PREX2: variants seen among roughly 807,000 people sequenced by gnomAD.
PREX2 encodes the protein phosphatidylinositol-3,4,5-trisphosphate dependent Rac exchange factor 2.
Under a neutral mutation model 203.2 loss-of-function variants are expected in PREX2, and 107 were observed. The observed-to-expected ratio is 0.53, with a 90% CI of 0.45 to 0.62. The LOEUF (loss-of-function observed/expected upper bound fraction) is 0.62. PREX2 is among the 20% of genes least tolerant of loss of function. The probability of loss-of-function intolerance (pLI) is 0.00; values close to 1 mark genes in which losing one functional copy is unlikely to be tolerated. For synonymous variants in PREX2, 672 were observed against 663.6 expected (o/e 1.01, Z -0.19); for missense variants, 1,777 against 1,955.9 (o/e 0.91, Z 1.72).
rs1412894490 is a variant in PREX2 at position 68,083,282 on chromosome 8, G to C, written c.1921G>C (p.Gly641Arg). 1 of 1,608,468 alleles carries C rather than the reference G, an allele frequency of 6.2e-7. No individual in the cohort carries two copies. The highest frequency in any genetic ancestry group is 1.3e-5 in the African/African-American group (1 of 74,838). ...CGGGAAAAAGATTTTTGCTATTAAT[G>C]GTGACCTAGTTTTTATGAGACCTTT... ...EVGKKIFAIN[G>R]DLVFMRPFNE... Residue 641 changes from glycine (G) to arginine (R), a missense_variant, in exon 18 of 40, where the codon GGT becomes CGT. Coordinates refer to ENST00000288368, the MANE Select transcript of PREX2 (RefSeq NM_024870.4).
At chr8:68,164,550 GA>G (rs1258826455) in intron 35 of PREX2, among the ~76,000 whole-genome samples, 2 of 150,398 alleles carry the variant, frequency 1.3e-5, no homozygotes, top group African/African-American at 4.9e-5. Context: ...AACAGCTGGT[GA>G]TCTGGCTTTT....
intron 35 of PREX2, among the ~76,000 whole-genome samples, chr8:68,187,666 A>G (rs779969431): frequency 2.0e-5 from 3 of 152,238 alleles, no homozygotes; most frequent in Non-Finnish European, 4.4e-5. Context: ...AGTTTACTTG[A>G]GAAAAGGCAT....
intron 1 of PREX2, among the ~76,000 whole-genome samples, chr8:67,970,225 A>G (rs759353409): frequency 6.6e-6 from 1 of 152,182 alleles, no homozygotes; most frequent in African/African-American, 2.4e-5. Context: ...ATCGAAATCT[A>G]TTCCTTGGAG....
intron 21 of PREX2, among the ~76,000 whole-genome samples, chr8:68,096,664 C>T (rs975104860): frequency 6.6e-5 from 10 of 151,910 alleles, no homozygotes; most frequent in Non-Finnish European, 1.3e-4. Context: ...ATACAACATT[C>T]GAGGCAGTTT....
chr8:68,192,891 C>T (rs1422739927), intron 37 of PREX2, among the ~76,000 whole-genome samples: 2 of 152,202 alleles, frequency 1.3e-5, no homozygotes, highest in African/African-American at 4.8e-5. Context: ...ATAGACATTC[C>T]ACTATTCAGT....
chr8:68,105,020 T>G, intron 23 of PREX2: 1 of 697,558 alleles, frequency 1.4e-6, no homozygotes, highest in African/African-American at 1.9e-5. Flanking sequence ...AGTTCAGTGT[T>G]TCCTTTGATG....
At chr8:68,036,524 C>T (rs1471362457) in intron 6 of PREX2, among the ~76,000 whole-genome samples, 1 of 152,096 alleles carries the variant, frequency 6.6e-6, no homozygotes, top group Non-Finnish European at 1.5e-5. Flanking sequence ...CTATTCTGTA[C>T]ATTTTGTGAA....
chr8:68,052,669 C>G (rs988334945), intron 8 of PREX2, among the ~76,000 whole-genome samples: 26 of 152,234 alleles, frequency 1.7e-4, no homozygotes, highest in African/African-American at 6.3e-4. Context: ...AAGATTTTTC[C>G]ATGGGGCATA....
At chr8:68,072,147 C>T (rs910487287) in intron 13 of PREX2, among the ~76,000 whole-genome samples, 5 of 152,074 alleles carry the variant, frequency 3.3e-5, no homozygotes, top group African/African-American at 1.2e-4. Context: ...CTTAAAGTCG[C>T]AGTTTCCAAG....
chr8:68,046,187 A>G (rs1435096806), intron 8 of PREX2, among the ~76,000 whole-genome samples: 7 of 152,006 alleles, frequency 4.6e-5, no homozygotes, highest in African/African-American at 1.7e-4. Context: ...TGAGAGATTG[A>G]ATATCCACCC....
rs529209865 is a variant in PREX2 at position 68,030,434 on chromosome 8, C to A, written c.544-63C>A. ...TTGCAGTTTTCATTTCCTGGTCAGT[C>A]TGAACCTGCTGTACCAGAAAGCTGA... On this transcript the variant is annotated intron_variant, in intron 5 of 39. Coordinates refer to ENST00000288368, the MANE Select transcript of PREX2 (RefSeq NM_024870.4). The A allele has an allele frequency of 1.4e-3, 2,093 of 1,539,046 alleles. 3 individuals carry two copies. Among genetic ancestry groups the A allele is most frequent in the South Asian group, 3.4e-3 (281 of 83,408 alleles).
chr8:68,232,763 G>A lies in PREX2; in HGVS notation c.*1385G>A, dbSNP rs1200041094. 3 of 152,064 alleles carry A rather than the reference G, an allele frequency of 2.0e-5. No individual in the cohort carries two copies. Among genetic ancestry groups the A allele is most frequent in the East Asian group, 1.9e-4 (1 of 5,174 alleles). The allele number at this position is 152,064 out of a possible 1,614,324, so 9.4% of individuals were successfully genotyped here. A position where few individuals can be genotyped will look rare whatever the true frequency, so the allele number is the denominator to read the frequency against. On this transcript the variant is annotated 3_prime_UTR_variant, in exon 40 of 40. Transcript: ENST00000288368. Reference sequence around the variant, plus strand: ...CCTCCCAGGAGCTGGGACTACAGGTGTGCACCACCATGCTCAGCTAATTTT... The same window carrying A: ...CCTCCCAGGAGCTGGGACTACAGGTATGCACCACCATGCTCAGCTAATTTT...
intron 1 of PREX2, among the ~76,000 whole-genome samples, chr8:67,984,615 G>A (rs1054058893): frequency 1.3e-5 from 2 of 152,158 alleles, no homozygotes; most frequent in Middle Eastern, 3.2e-3. Context: ...AGAAATGCAA[G>A]CCAGGACTTG....
chr8:68,079,286 A>G (rs147580369), intron 15 of PREX2, among the ~76,000 whole-genome samples: 104 of 152,364 alleles, frequency 6.8e-4, no homozygotes, highest in African/African-American at 2.5e-3. Flanking sequence ...CTTTCAACCA[A>G]AGATCAATAA....
At chr8:68,024,126 GT>G (rs945533911) in intron 4 of PREX2, among the ~76,000 whole-genome samples, 37 of 151,740 alleles carry the variant, frequency 2.4e-4, no homozygotes, top group Non-Finnish European at 1.0e-4. Context: ...TCTTTCTTAT[GT>G]TTAGTAACTT....
At chr8:68,060,306 A>C (rs1201911362) in intron 10 of PREX2, among the ~76,000 whole-genome samples, 3 of 152,146 alleles carry the variant, frequency 2.0e-5, no homozygotes, top group African/African-American at 7.2e-5. Context: ...TTCAGTTCTG[A>C]CTTTAGCTAT....
chr8:68,081,725 C>T (rs547820641), intron 17 of PREX2, among the ~76,000 whole-genome samples: 1 of 152,266 alleles, frequency 6.6e-6, no homozygotes, highest in South Asian at 2.1e-4. Context: ...GACAAAGTCT[C>T]CCTCTGTTGC....
chr8:68,182,715 T>C (rs1812108857), intron 35 of PREX2, among the ~76,000 whole-genome samples: 1 of 151,934 alleles, frequency 6.6e-6, no homozygotes, highest in East Asian at 1.9e-4. Context: ...ATTAGGTACA[T>C]GCCATGTTTC....
rs1186822076 is a variant in PREX2 at position 68,231,502 on chromosome 8, ATCTT to A, written c.*129_*132del. 1.4e-6 allele frequency: 1 copy of A among 694,852 alleles called. No homozygotes were observed. The allele number at this position is 694,852 out of a possible 1,614,324, so 43.0% of individuals were successfully genotyped here. Reference sequence around the variant, plus strand: ...CTTTTTTTTTTTTTTTTTTCTGTAAATCTTTCTTCCCATTGCAAACAAGTAGTGA... The same window carrying A: ...CTTTTTTTTTTTTTTTTTTCTGTAAATCTTCCCATTGCAAACAAGTAGTGA... On this transcript the variant is annotated 3_prime_UTR_variant, in exon 40 of 40. Coordinates refer to ENST00000288368, the MANE Select transcript of PREX2 (RefSeq NM_024870.4).
Sources: allele counts gnomAD v4.1 joint callset (sites outside exome capture counted in the v4.1 genomes callset), GRCh38; gene constraint gnomAD v4.1.1; transcripts MANE v1.5; gene names NCBI Gene and HGNC (gene_info 2026-07-23, HGNC 2026-07-21).